The following PSIP1 variants were observed in gnomAD, a reference collection of about 807,000 sequenced individuals.
PSIP1 encodes PC4 and SRSF1 interacting protein 1.
In PSIP1, 19 loss-of-function variants were observed where a neutral mutation model predicts 74.7. The observed-to-expected ratio is 0.25, with a 90% CI of 0.18 to 0.37. The LOEUF is 0.37. Ranked by LOEUF, PSIP1 falls within the 10% of genes least tolerant of loss-of-function variation. The pLI, the probability that PSIP1 is intolerant of heterozygous loss-of-function variation, is 1.00. For synonymous variants in PSIP1, 222 were observed against 195.3 expected (o/e 1.14, Z -1.14); for missense variants, 601 against 614.3 (o/e 0.98, Z 0.23).
intron 11 of PSIP1, among the ~76,000 whole-genome samples, chr9:15,469,578 C>G (rs954523139): frequency 6.6e-6 from 1 of 152,022 alleles, no homozygotes; most frequent in Non-Finnish European, 1.5e-5. Flanking sequence ...TGCGTTTTTC[C>G]TAAAATAAAT....
intron 3 of PSIP1, among the ~76,000 whole-genome samples, chr9:15,498,798 C>CTTTAAA (rs1389555213): frequency 2.0e-5 from 3 of 152,062 alleles, no homozygotes; most frequent in African/African-American, 7.2e-5. Context: ...TTCTTCAAGG[C>CTTTAAA]ATTCCACTTT....
intron 6 of PSIP1, among the ~76,000 whole-genome samples, 188 bp from the exon 7 acceptor site, chr9:15,479,875 GAAC>G (rs764400827): frequency 6.6e-6 from 1 of 151,882 alleles, no homozygotes; most frequent in Non-Finnish European, 1.5e-5. Context: ...TAACTCTAGT[GAAC>G]AACTCTTAAA....
At chr9:15,477,151 G>A (rs935998610) in intron 8 of PSIP1, among the ~76,000 whole-genome samples, 3 of 152,138 alleles carry the variant, frequency 2.0e-5, no homozygotes, top group Non-Finnish European at 2.9e-5. Flanking sequence ...CACCTGTTAA[G>A]TATCCAATTT....
chr9:15,474,061 A>AC lies in PSIP1; in HGVS notation c.805dup (p.Val269GlyfsTer8). The AC allele has an allele frequency of 6.2e-7, 1 of 1,613,630 alleles. No individual in the cohort carries two copies. The highest frequency in any genetic ancestry group is 1.7e-4 in the Middle Eastern group (1 of 6,050). ...TTCTTCAGAATCGGAGGTTGAAGTA[A>AC]CCCCTGTTTTAGCTAAATTTTTCCT... On this transcript the variant is annotated frameshift_variant, in exon 9 of 16. Transcript: ENST00000380733. LOFTEE classifies it high-confidence loss of function.
intron 15 of PSIP1, 32 bp downstream of exon 15, chr9:15,466,716 A>T: frequency 6.6e-7 from 1 of 1,515,374 alleles, no homozygotes; most frequent in Non-Finnish European, 9.0e-7. Flanking sequence ...ATAATAAAAA[A>T]CACACAAGAC....
Position 15,492,549 on chromosome 9 carries a change from G to A in PSIP1, c.150-2425C>T, listed in dbSNP as rs140490530. 3.2e-3 allele frequency among the ~76,000 whole-genome samples: 483 copies of A among 152,248 alleles called. 7 individuals are homozygous for A. The East Asian group carries it at 0.047, about 15-fold the overall frequency. ...TTCCAGGTGCATGGTGCAAGCTGTC[G>A]GTGGATCTACCATTCTGGGGTCTGG... On this transcript the variant is annotated intron_variant, in intron 3 of 15. Coordinates refer to ENST00000380733, the MANE Select transcript of PSIP1 (RefSeq NM_033222.5).
At position 15,468,366 on chromosome 9, in the gene PSIP1, T is replaced by C. The variant is rs2035717030; in HGVS notation, c.1420+264A>G. 1.5e-5 allele frequency: 10 copies of C among 673,014 alleles called. No individual in the cohort carries two copies. The East Asian group carries it at 3.1e-4, about 21-fold the overall frequency. 41.7% of individuals were successfully genotyped at this position (673,014 alleles called of 1,614,324 possible). On this transcript the variant is annotated intron_variant, in intron 14 of 15. Coordinates refer to ENST00000380733, the MANE Select transcript of PSIP1 (RefSeq NM_033222.5). ...TAGGAGGCATTGTGATGGATGGGTTTTTAAAAATTGTTTATCCAGAGTCAT... is the reference window on the plus strand; with the variant it reads ...TAGGAGGCATTGTGATGGATGGGTTCTTAAAAATTGTTTATCCAGAGTCAT...
At position 15,464,364 on chromosome 9, in the gene PSIP1, C is replaced by T. The variant is rs2035464546; in HGVS notation, c.*1156G>A. On this transcript the variant is annotated 3_prime_UTR_variant, in exon 16 of 16. Coordinates refer to ENST00000380733, the MANE Select transcript of PSIP1 (RefSeq NM_033222.5). ...ATAATTTCAAAACATGAGAAGTATCCTACTTGCTGAGAAGTGCCAAATGAC... is the reference window on the plus strand; with the variant it reads ...ATAATTTCAAAACATGAGAAGTATCTTACTTGCTGAGAAGTGCCAAATGAC... 1.5e-5 allele frequency: 3 copies of T among 194,746 alleles called. No individual in the cohort carries two copies. Among genetic ancestry groups the T allele is most frequent in the Non-Finnish European group, 2.1e-5 (2 of 93,736 alleles). 12.1% of individuals were successfully genotyped at this position (194,746 alleles called of 1,614,324 possible).
rs536928799 is a variant in PSIP1 at position 15,475,692 on chromosome 9, T to C, written c.630-1455A>G. On this transcript the variant is annotated intron_variant, in intron 8 of 15. Coordinates refer to ENST00000380733, the MANE Select transcript of PSIP1 (RefSeq NM_033222.5). ...ATTTTAAAAATTTATCCTAAGGTCA[T>C]AAAAAAGATTATTTCAAGGTGTGAA... is the stretch of plus-strand genomic sequence containing the variant. Among the ~76,000 whole-genome samples, 41 of 152,102 alleles carry C rather than the reference T, an allele frequency of 2.7e-4. 1 individual carries two copies. The highest frequency in any genetic ancestry group is 8.5e-4 in the Admixed American group (13 of 15,268).
chr9:15,491,567 CAGAT>C lies in PSIP1; in HGVS notation c.150-1447_150-1444del, dbSNP rs147731146. Among the ~76,000 whole-genome samples the C allele has an allele frequency of 1.0e-2, 1,517 of 152,278 alleles. 30 individuals are homozygous for C. The highest frequency in any genetic ancestry group is 0.035 in the African/African-American group (1,458 of 41,554). Reference sequence around the variant, plus strand: ...TTGCATATGTGTGTACATATATACACAGATAGTTCTTAATTTACTAGGAGGTTAT... The same window carrying C: ...TTGCATATGTGTGTACATATATACACAGTTCTTAATTTACTAGGAGGTTAT... On this transcript the variant is annotated intron_variant, in intron 3 of 15. Coordinates refer to ENST00000380733, the MANE Select transcript of PSIP1 (RefSeq NM_033222.5).
intron 2 of PSIP1, among the ~76,000 whole-genome samples, chr9:15,508,590 G>T (rs539966515): frequency 2.0e-5 from 3 of 152,056 alleles, no homozygotes; most frequent in African/African-American, 7.2e-5. Flanking sequence ...CATGCAAATC[G>T]GAATATAGAT....
At chr9:15,492,807 T>A (rs1036648597) in intron 3 of PSIP1, among the ~76,000 whole-genome samples, 1 of 152,232 alleles carries the variant, frequency 6.6e-6, no homozygotes, top group African/African-American at 2.4e-5. Flanking sequence ...CAACACCATG[T>A]GGAAGCTGCC....
chr9:15,477,601 G>A (rs1204074073), intron 8 of PSIP1, among the ~76,000 whole-genome samples: 4 of 151,844 alleles, frequency 2.6e-5, no homozygotes, highest in Admixed American at 2.0e-4. Flanking sequence ...GCCACAAAAA[G>A]TTTTTCTCCC....
rs1350167338 is a variant in PSIP1 at position 15,464,453 on chromosome 9, A to G, written c.*1067T>C. 5.0e-6 allele frequency: 1 copy of G among 200,452 alleles called. No homozygotes were observed. The allele number at this position is 200,452 out of a possible 1,614,324, so 12.4% of individuals were successfully genotyped here. On this transcript the variant is annotated 3_prime_UTR_variant, in exon 16 of 16. Coordinates refer to ENST00000380733, the MANE Select transcript of PSIP1 (RefSeq NM_033222.5). ...TTAACATACCCTTAAATTTTGTAAC[A>G]TTGATTTTACCCTGGATTTAGTCCA...
Position 15,468,875 on chromosome 9 carries a change from T to C in PSIP1, c.1207-32A>G, listed in dbSNP as rs201790605. 301 of 1,605,956 alleles carry C rather than the reference T, an allele frequency of 1.9e-4. 1 individual carries two copies. Among genetic ancestry groups the C allele is most frequent in the Non-Finnish European group, 2.4e-4 (279 of 1,174,158 alleles). The stretch of plus-strand genomic sequence containing the variant: ...AAACAATATACATTCATCATAATTG[T>C]TTTCCTAATTGATTTTTTAAACAAT... On this transcript the variant is annotated intron_variant, in intron 13 of 15. Transcript: ENST00000380733.
rs1235575327 is a variant in PSIP1 at position 15,510,345 on chromosome 9, A to C, written c.-141-16T>G. On this transcript the variant is annotated splice_polypyrimidine_tract_variant and intron_variant, in intron 1 of 15. Coordinates refer to ENST00000380733, the MANE Select transcript of PSIP1 (RefSeq NM_033222.5). ...GACGCGCCTGCTAGGGAGAGCACCG[A>C]GGGCGGTTAAAGCGAAGAACCCCGA... 5.8e-6 allele frequency: 1 copy of C among 173,024 alleles called. No homozygotes were observed. Among genetic ancestry groups the C allele is most frequent in the African/African-American group, 3.5e-5 (1 of 28,378 alleles). The allele number at this position is 173,024 out of a possible 1,614,324, so 10.7% of individuals were successfully genotyped here.
In PSIP1 at chr9:15,478,549, G is replaced by T. The variant is rs770903908; in HGVS notation, c.557C>A (p.Thr186Lys). 9 of 1,592,970 alleles carry T rather than the reference G, an allele frequency of 5.6e-6. No individual in the cohort carries two copies. The South Asian group carries it at 9.9e-5, about 18-fold the overall frequency. ...TCTTGGTTTTGGAATCTTGACTTCT[G>T]TAGCTAATATACACATGGAAAAAAA... is the stretch of plus-strand genomic sequence containing the variant. Reference protein sequence around the residue: ...VSPKRGRPAATEVKIPKPRGR... With the variant: ...VSPKRGRPAAKEVKIPKPRGR... Residue 186 changes from threonine to lysine, a missense_variant, in exon 8 of 16, where the codon ACA (threonine) becomes AAA (lysine). Physicochemically the swap from Thr to Lys is moderately conservative, Grantham distance 78. Around this residue, in one of 2 missense-constraint regions of PSIP1, gnomAD observed 538 missense variants for 507.6 expected, o/e 1.06. Coordinates refer to ENST00000380733, the MANE Select transcript of PSIP1 (RefSeq NM_033222.5).
chr9:15,507,767 T>G (rs2037663761), intron 2 of PSIP1, among the ~76,000 whole-genome samples: 3 of 152,236 alleles, frequency 2.0e-5, no homozygotes, highest in Non-Finnish European at 2.9e-5. Flanking sequence ...TCAGAGGACC[T>G]ACTATCCTCT....
intron 2 of PSIP1, among the ~76,000 whole-genome samples, chr9:15,508,929 T>G (rs1255553991): frequency 6.6e-6 from 1 of 152,196 alleles, no homozygotes; most frequent in African/African-American, 2.4e-5. Context: ...ATTGTTCAAG[T>G]AAGACTGCAC....
Sources: gnomAD v4.1 joint callset for allele counts (sites outside exome capture counted in the v4.1 genomes callset) on GRCh38, gnomAD v4.1.1 for gene constraint, gnomAD v4.1.1 regional missense constraint, MANE v1.5 for transcripts, NCBI Gene and HGNC (gene_info 2026-07-23, HGNC 2026-07-21) for gene names.